Variants in ZNF618 observed in about 807,000 individuals in gnomAD.
ZNF618 encodes the protein neural precursor cell expressed, developmentally down-regulated 10.
Under a neutral mutation model 103.0 loss-of-function variants are expected in ZNF618, and 34 were observed. That is an observed-to-expected ratio of 0.33 (90% CI 0.25 to 0.44). ZNF618 has a LOEUF of 0.44. Ranked by LOEUF, ZNF618 falls within the 20% of genes least tolerant of loss-of-function variation. The pLI is 1.00. For missense variants in ZNF618, 1,059 were observed against 1,295.4 expected (o/e 0.82, Z 2.80); for synonymous variants, 551 against 542.2 (o/e 1.02, Z -0.23).
Position 114,055,353 on chromosome 9 carries a change from G to A in ZNF618, c.*5186G>A, listed in dbSNP as rs1588480326. ...GCTGGGCCTCGCCAGCCAGGAGAGA[G>A]CGAGGGCCGCACGGCAGGGCTGGCC... On this transcript the variant is annotated 3_prime_UTR_variant, in exon 15 of 15. Transcript: ENST00000374126. 6.5e-6 allele frequency: 1 copy of A among 152,740 alleles called. No homozygotes were observed. The highest frequency in any genetic ancestry group is 2.4e-5 in the African/African-American group (1 of 41,464). The allele number at this position is 152,740 out of a possible 1,614,324, so 9.5% of individuals were successfully genotyped here.
intron 2 of ZNF618, among the ~76,000 whole-genome samples, chr9:113,987,507 T>G (rs1370363173): frequency 6.6e-6 from 1 of 152,210 alleles, no homozygotes; most frequent in African/African-American, 2.4e-5. Flanking sequence ...CTAGTGAGTC[T>G]TTTTGAATTG....
At chr9:113,935,225 A>T (rs1474966126) in intron 1 of ZNF618, among the ~76,000 whole-genome samples, 1 of 152,156 alleles carries the variant, frequency 6.6e-6, no homozygotes, top group African/African-American at 2.4e-5. Context: ...CCCCCTCCTG[A>T]TGACCTCTCT....
intron 1 of ZNF618, among the ~76,000 whole-genome samples, chr9:113,924,994 G>A (rs571405449): frequency 4.6e-5 from 7 of 151,870 alleles, no homozygotes; most frequent in Non-Finnish European, 4.4e-5. Flanking sequence ...AATGTGTATT[G>A]TGGTGTTGTT....
At chr9:114,039,835 A>G (rs929531943) in intron 13 of ZNF618, among the ~76,000 whole-genome samples, 29 of 152,066 alleles carry the variant, frequency 1.9e-4, no homozygotes, top group African/African-American at 7.0e-4. Flanking sequence ...CTCTTTTTCC[A>G]TCCCTGTCAG....
chr9:113,889,801 GTTC>G (rs1220035981), intron 1 of ZNF618, among the ~76,000 whole-genome samples: 1 of 152,132 alleles, frequency 6.6e-6, no homozygotes, highest in Non-Finnish European at 1.5e-5. Context: ...GTGACTGTCT[GTTC>G]TTCTGTCTAT....
rs866740027 is a variant in ZNF618, at chr9:113,988,261, G to T, written c.78-60G>T. The T allele has an allele frequency of 1.1e-5, 17 of 1,548,312 alleles. No homozygotes were observed. In the African/African-American group the frequency reaches 2.2e-4, roughly 20 times the overall value. The stretch of plus-strand genomic sequence containing the variant: ...GCATGTCCCTGTGGTGCCATGGGCT[G>T]GTGGGCTCCTGTGTTGATCTGGAGG... On this transcript the variant is annotated intron_variant, in intron 2 of 14. Coordinates refer to ENST00000374126, the MANE Select transcript of ZNF618 (RefSeq NM_001318042.2).
intron 4 of ZNF618, among the ~76,000 whole-genome samples, chr9:113,999,666 A>G (rs12378732): frequency 5.9e-5 from 9 of 152,224 alleles, no homozygotes; most frequent in Middle Eastern, 3.4e-3. Flanking sequence ...TATCTACTCC[A>G]CTGACTTGGG....
chr9:113,922,816 A>T (rs773558481), intron 1 of ZNF618, among the ~76,000 whole-genome samples: 47 of 152,210 alleles, frequency 3.1e-4, no homozygotes, highest in Non-Finnish European at 5.6e-4. Context: ...ACACTTTAGA[A>T]TCAGTTTGTT....
chr9:113,917,856 C>G (rs10817532), intron 1 of ZNF618, among the ~76,000 whole-genome samples: 65,520 of 151,952 alleles, frequency 0.43, 14,936 homozygotes, highest in Non-Finnish European at 0.51. Flanking sequence ...ATGTTAACTT[C>G]TATGCCCATA....
chr9:113,961,942 A>G (rs1234584428), intron 1 of ZNF618, among the ~76,000 whole-genome samples: 2 of 152,208 alleles, frequency 1.3e-5, no homozygotes, highest in South Asian at 2.1e-4. Flanking sequence ...GGCCAAATAT[A>G]TAGAGGAAAT....
At chr9:113,918,601 A>G (rs1009095454) in intron 1 of ZNF618, among the ~76,000 whole-genome samples, 2 of 152,128 alleles carry the variant, frequency 1.3e-5, no homozygotes, top group Non-Finnish European at 2.9e-5. Context: ...ATTTAGATCA[A>G]TTTAGACTGC....
chr9:114,036,967 G>A (rs1844672367), intron 13 of ZNF618, among the ~76,000 whole-genome samples: 1 of 152,206 alleles, frequency 6.6e-6, no homozygotes, highest in South Asian at 2.1e-4. Context: ...ACTAGGATTT[G>A]CATTTCTGGT....
At chr9:114,046,867 A>G (rs1408115) in intron 13 of ZNF618, among the ~76,000 whole-genome samples, 56,876 of 152,118 alleles carry the variant, frequency 0.37, 11,732 homozygotes, top group East Asian at 0.62. Flanking sequence ...AATCAACTAT[A>G]TTCCTGGAGT....
intron 1 of ZNF618, among the ~76,000 whole-genome samples, chr9:113,965,640 C>G (rs1216753267): frequency 6.6e-6 from 1 of 152,036 alleles, no homozygotes. Flanking sequence ...GGGGAGATGA[C>G]CTGATTTAAC....
intron 13 of ZNF618, among the ~76,000 whole-genome samples, chr9:114,047,640 T>A (rs925307180): frequency 6.6e-6 from 1 of 152,178 alleles, no homozygotes; most frequent in Non-Finnish European, 1.5e-5. Flanking sequence ...TGTGCTCAGC[T>A]CTTCCTGGAT....
intron 5 of ZNF618, among the ~76,000 whole-genome samples, chr9:114,002,397 A>G (rs4979318): frequency 0.32 from 48,755 of 152,050 alleles, 8,735 homozygotes; most frequent in East Asian, 0.61. Flanking sequence ...GCACTTGCTG[A>G]GGTCAGTGTG....
At position 114,055,772 on chromosome 9, in the gene ZNF618, G is replaced by T. The variant is rs530004233; in HGVS notation, c.*5605G>T. The T allele has an allele frequency of 6.6e-6, 1 of 151,106 alleles. No individual in the cohort carries two copies. Among genetic ancestry groups the T allele is most frequent in the Admixed American group, 6.6e-5 (1 of 15,130 alleles). The allele number at this position is 151,106 out of a possible 1,614,324, so 9.4% of individuals were successfully genotyped here. On this transcript the variant is annotated 3_prime_UTR_variant, in exon 15 of 15. Coordinates refer to ENST00000374126, the MANE Select transcript of ZNF618 (RefSeq NM_001318042.2). ...AACACAAAAAAAATATCTTTTTTAG[G>T]CCAGAGTTTTCTACAGGTATTAATG... is the stretch of plus-strand genomic sequence containing the variant.
At chr9:113,953,466 C>T (rs569326800) in intron 1 of ZNF618, among the ~76,000 whole-genome samples, 14 of 152,292 alleles carry the variant, frequency 9.2e-5, no homozygotes, top group Non-Finnish European at 1.9e-4. Flanking sequence ...TTTGAGCCAT[C>T]CAGGCCAAGT....
rs1397655960 is a variant in ZNF618, at chr9:114,050,324, GTGTGCGTGTA to G, written c.*161_*170del. 3 of 833,224 alleles carry G rather than the reference GTGTGCGTGTA, an allele frequency of 3.6e-6. No homozygotes were observed. In the Admixed American group the frequency reaches 9.0e-5, roughly 25 times the overall value. The allele number at this position is 833,224 out of a possible 1,614,324, so 51.6% of individuals were successfully genotyped here. On this transcript the variant is annotated 3_prime_UTR_variant, in exon 15 of 15. Transcript: ENST00000374126. ...TTAAGTGCTTTTTTTATATGTGTGT[GTGTGCGTGTA>G]TGTACACAGCCACACGTGTGTGCAC...
Sources: gnomAD v4.1 joint callset for allele counts (sites outside exome capture counted in the v4.1 genomes callset) on GRCh38, gnomAD v4.1.1 for gene constraint, MANE v1.5 for transcripts, NCBI Gene and HGNC (gene_info 2026-07-23, HGNC 2026-07-21) for gene names.